Variants in KMT2E observed in about 807,000 individuals in gnomAD.
The protein encoded by KMT2E is lysine methyltransferase 2E (inactive).
Under a neutral mutation model 184.6 loss-of-function variants are expected in KMT2E, and 30 were observed. The observed-to-expected ratio is 0.16, with a 90% confidence interval of 0.12 to 0.22. KMT2E has a LOEUF of 0.22. Ranked by LOEUF, KMT2E falls within the 10% of genes least tolerant of loss-of-function variation. The probability of loss-of-function intolerance (pLI) is 1.00; values close to 1 mark genes in which losing one functional copy is unlikely to be tolerated. For missense variants in KMT2E, 2,023 were observed against 2,237.4 expected (o/e 0.90, Z 1.93); for synonymous variants, 815 against 776.5 (o/e 1.05, Z -0.82).
intron 13 of KMT2E, among the ~76,000 whole-genome samples, chr7:105,083,069 C>A (rs753367188): frequency 1.3e-5 from 2 of 152,116 alleles, no homozygotes; most frequent in Non-Finnish European, 2.9e-5. Flanking sequence ...TATCCATGAT[C>A]TCTTTCATGA....
At chr7:105,033,396 C>G (rs1162746959) in intron 1 of KMT2E, among the ~76,000 whole-genome samples, 1 of 152,102 alleles carries the variant, frequency 6.6e-6, no homozygotes, top group East Asian at 1.9e-4. Context: ...TATTTTTACC[C>G]AGTGTCTTAG....
At chr7:105,094,588 C>T (rs1798329871) in intron 15 of KMT2E, among the ~76,000 whole-genome samples, 1 of 152,172 alleles carries the variant, frequency 6.6e-6, no homozygotes, top group South Asian at 2.1e-4. Context: ...TTAAGATGTT[C>T]ACCTAGACTC....
At chr7:105,095,943 T>TGAAA (rs1334629108) in intron 15 of KMT2E, among the ~76,000 whole-genome samples, 2 of 152,094 alleles carry the variant, frequency 1.3e-5, no homozygotes, top group South Asian at 2.1e-4. Context: ...AGCAAACTTC[T>TGAAA]GAAAGATTTA....
Position 105,110,269 on chromosome 7 carries a change from T to G in KMT2E, c.3756-11T>G. ...CTTTCAATAGAGGATAATGTGATTT[T>G]TCTTTGAAAGGACTGCCTCAACTTC... On this transcript the variant is annotated splice_polypyrimidine_tract_variant and intron_variant, in intron 23 of 26. Transcript: ENST00000311117. 1.9e-6 allele frequency: 3 copies of G among 1,611,544 alleles called. No individual in the cohort carries two copies. Among genetic ancestry groups the G allele is most frequent in the Non-Finnish European group, 2.5e-6 (3 of 1,177,642 alleles).
At chr7:105,034,659 A>G (rs936035536) in intron 1 of KMT2E, among the ~76,000 whole-genome samples, 5 of 152,078 alleles carry the variant, frequency 3.3e-5, no homozygotes, top group Admixed American at 2.6e-4. Flanking sequence ...ACCTGTACCC[A>G]CCACCACAGT....
chr7:105,076,919 TA>T, intron 9 of KMT2E, 43 bp from the exon 10 acceptor site: 20 of 874,666 alleles, frequency 2.3e-5, no homozygotes, highest in Non-Finnish European at 1.9e-5. Context: ...TGTGTGTGTG[TA>T]AGTCCGTAAG....
At chr7:105,023,255 A>T (rs908027766) in intron 1 of KMT2E, among the ~76,000 whole-genome samples, 1 of 151,866 alleles carries the variant, frequency 6.6e-6, no homozygotes, top group Non-Finnish European at 1.5e-5. Context: ...ACAAAAAATT[A>T]GCTGGGCGTG....
At chr7:105,097,848 T>C (rs1347751379) in intron 15 of KMT2E, among the ~76,000 whole-genome samples, 2 of 152,236 alleles carry the variant, frequency 1.3e-5, no homozygotes, top group Non-Finnish European at 2.9e-5. Flanking sequence ...ACATGGTTCT[T>C]ACTCATTTAA....
rs142854584 is a variant in KMT2E at position 105,113,626 on chromosome 7, T to C, written c.*293T>C. ...TTTTTTTTTTTTTTAGTTAAATTCA[T>C]TTAGTGAATGTTCTATTATTTTATA... is the stretch of plus-strand genomic sequence containing the variant. On this transcript the variant is annotated 3_prime_UTR_variant, in exon 27 of 27. Coordinates refer to ENST00000311117, the MANE Select transcript of KMT2E (RefSeq NM_182931.3). The C allele has an allele frequency of 2.7e-3, 787 of 296,162 alleles. 1 individual carries two copies. The highest frequency in any genetic ancestry group is 3.3e-3 in the Non-Finnish European group (522 of 158,844). 18.3% of individuals were successfully genotyped at this position (296,162 alleles called of 1,614,324 possible). A position where few individuals can be genotyped will look rare whatever the true frequency, so the allele number is the denominator to read the frequency against.
intron 5 of KMT2E, chr7:105,063,978 A>G (rs987963867): frequency 3.8e-5 from 17 of 451,592 alleles, no homozygotes; most frequent in Non-Finnish European, 6.2e-5. Context: ...ATTTTCATTG[A>G]TGTTTGTTTG....
intron 3 of KMT2E, among the ~76,000 whole-genome samples, chr7:105,058,397 A>G (rs998433759): frequency 6.6e-6 from 1 of 152,156 alleles, no homozygotes; most frequent in African/African-American, 2.4e-5. Context: ...CCTTCTACCT[A>G]AGACTCTTAG....
chr7:105,110,779 C>A lies in KMT2E; in HGVS notation c.3979C>A (p.Pro1327Thr). 1.2e-6 allele frequency: 2 copies of A among 1,613,590 alleles called. No homozygotes were observed. The highest frequency in any genetic ancestry group is 1.7e-6 in the Non-Finnish European group (2 of 1,179,506). Reference protein sequence around the residue: ...SFSELMEDPDPENPEPTTTNE... With the variant: ...SFSELMEDPDTENPEPTTTNE... ...TTTCTTCTGCTTTATAGACCCTGAT[C>A]CTGAAAATCCAGAACCCACAACTAC... Residue 1327 changes from proline to threonine, a missense_variant, in exon 26 of 27, where the codon CCT becomes ACT. This residue lies in a region of KMT2E where 1,108 missense variants were observed against 1,050.9 expected (regional missense o/e 1.05). Transcript: ENST00000311117.
chr7:105,058,976 A>G (rs990076635), intron 3 of KMT2E, among the ~76,000 whole-genome samples: 2 of 152,198 alleles, frequency 1.3e-5, no homozygotes, highest in African/African-American at 4.8e-5. Flanking sequence ...ACCACTATAT[A>G]AGCTCTTCAC....
At chr7:105,024,802 AAGGC>A (rs1292989499) in intron 1 of KMT2E, among the ~76,000 whole-genome samples, 1 of 152,210 alleles carries the variant, frequency 6.6e-6, no homozygotes, top group Non-Finnish European at 1.5e-5. Flanking sequence ...TTCTTTTTAA[AAGGC>A]AGGCCACTAT....
At chr7:105,049,973 C>T (rs948130668) in intron 3 of KMT2E, among the ~76,000 whole-genome samples, 1 of 152,138 alleles carries the variant, frequency 6.6e-6, no homozygotes, top group Non-Finnish European at 1.5e-5. Flanking sequence ...GGATCTTACC[C>T]CTTCTCACCT....
intron 9 of KMT2E, 148 bp from the exon 10 acceptor site, chr7:105,076,815 C>T (rs767912536): frequency 6.3e-6 from 4 of 634,418 alleles, no homozygotes; most frequent in Non-Finnish European, 8.4e-6. Context: ...GAAAAGAAAC[C>T]GTTAAACAGC....
At chr7:105,051,098 C>T (rs200532077) in intron 3 of KMT2E, among the ~76,000 whole-genome samples, 2 of 71,656 alleles carry the variant, frequency 2.8e-5, no homozygotes, top group African/African-American at 8.6e-5. Flanking sequence ...TCTTTTTTCT[C>T]TCTCTCTCTC....
chr7:105,071,448 C>T (rs558448798), intron 6 of KMT2E, among the ~76,000 whole-genome samples: 1 of 150,394 alleles, frequency 6.6e-6, no homozygotes, highest in South Asian at 2.1e-4. Context: ...CTCACTGCAA[C>T]CTCCGCCTCC....
chr7:105,057,784 C>T (rs1207493283), intron 3 of KMT2E, among the ~76,000 whole-genome samples: 1 of 152,106 alleles, frequency 6.6e-6, no homozygotes, highest in African/African-American at 2.4e-5. Context: ...TCCCATTTCT[C>T]TCATGTATTA....
Sources: gnomAD v4.1 joint callset for allele counts (sites outside exome capture counted in the v4.1 genomes callset) on GRCh38, gnomAD v4.1.1 for gene constraint, gnomAD v4.1.1 regional missense constraint, MANE v1.5 for transcripts, NCBI Gene and HGNC (gene_info 2026-07-23, HGNC 2026-07-21) for gene names.